Variants in BNC2 observed in about 807,000 individuals in gnomAD.
BNC2 encodes zinc finger protein basonuclin-2.
In BNC2, 20 loss-of-function variants were observed where a neutral mutation model predicts 76.3. The observed-to-expected ratio is 0.26, with a 90% CI of 0.18 to 0.38. The LOEUF (loss-of-function observed/expected upper bound fraction) is 0.38, where lower values mean the gene tolerates loss of function less well. Ranked by LOEUF, BNC2 falls within the 10% of genes least tolerant of loss-of-function variation. BNC2 has a pLI of 1.00. For synonymous variants in BNC2, 582 were observed against 514.8 expected (o/e 1.13, Z -1.77); for missense variants, 1,382 against 1,399.8 (o/e 0.99, Z 0.20).
At position 16,593,903 on chromosome 9, in the gene BNC2, T is replaced by C. The variant is rs143128926; in HGVS notation, c.331-10818A>G. 4.1e-3 allele frequency among the ~76,000 whole-genome samples: 631 copies of C among 152,290 alleles called. 9 individuals are homozygous for C. The South Asian group carries it at 0.047, about 11-fold the overall frequency. On this transcript the variant is annotated intron_variant, in intron 3 of 6. Transcript: ENST00000380672. ...AGAAGGAGGCAAAGCACTTCTCATA[T>C]CTGATGATGCTAAGTAATAATAATC...
chr9:16,853,798 A>T (rs1819187834), intron 1 of BNC2, among the ~76,000 whole-genome samples: 2 of 152,006 alleles, frequency 1.3e-5, no homozygotes, highest in South Asian at 2.1e-4. Flanking sequence ...AACCTGGGAG[A>T]CAGAGGTTGC....
At chr9:16,554,754 T>A (rs1013691250) in intron 4 of BNC2, among the ~76,000 whole-genome samples, 1 of 152,168 alleles carries the variant, frequency 6.6e-6, no homozygotes. Context: ...GATCTGCTCC[T>A]CCTCCATTTC....
intron 5 of BNC2, among the ~76,000 whole-genome samples, chr9:16,459,984 G>A (rs368430412): frequency 1.3e-5 from 2 of 152,290 alleles, no homozygotes; most frequent in Non-Finnish European, 2.9e-5. Flanking sequence ...AAGCGCACGT[G>A]CAAGTGAGTA....
At position 16,436,533 on chromosome 9, in the gene BNC2, A is replaced by G. The variant is rs1017712544; in HGVS notation, c.1661T>C (p.Leu554Pro). Residue 554 changes from leucine to proline, a missense_variant, in exon 6 of 7, where the codon CTC becomes CCC. Transcript: ENST00000380672. Reference sequence around the variant, plus strand: ...CCCAGAAAATACTAGCTGGCTAGGGAGAGGATTTTGCAAGACAGGGTCTAG... The same window carrying G: ...CCCAGAAAATACTAGCTGGCTAGGGGGAGGATTTTGCAAGACAGGGTCTAG... ...PPLDPVLQNP[L>P]PSQLVFSGLK... The G allele has an allele frequency of 1.2e-6, 2 of 1,613,974 alleles. No homozygotes were observed. The highest frequency in any genetic ancestry group is 1.3e-5 in the African/African-American group (1 of 74,892).
chr9:16,695,046 A>G (rs547384926), intron 3 of BNC2, among the ~76,000 whole-genome samples: 13 of 152,330 alleles, frequency 8.5e-5, no homozygotes, highest in African/African-American at 3.1e-4. Context: ...AAAGGGAGTT[A>G]TATTTTCCTT....
chr9:16,555,365 G>A (rs1818796036), intron 4 of BNC2, among the ~76,000 whole-genome samples: 2 of 151,754 alleles, frequency 1.3e-5, no homozygotes, highest in African/African-American at 2.4e-5. Flanking sequence ...AACTGTTAAG[G>A]GTACAGAAGA....
chr9:16,505,541 T>C (rs927950135), intron 5 of BNC2, among the ~76,000 whole-genome samples: 5 of 152,134 alleles, frequency 3.3e-5, no homozygotes, highest in East Asian at 1.9e-4. Context: ...AAACTCTGCC[T>C]GGAGGGAGAG....
chr9:16,755,421 C>G (rs539111778), intron 1 of BNC2, among the ~76,000 whole-genome samples: 32 of 152,254 alleles, frequency 2.1e-4, no homozygotes, highest in South Asian at 8.3e-4. Context: ...AAACTTTTAG[C>G]TACATTATCC....
intron 5 of BNC2, among the ~76,000 whole-genome samples, chr9:16,445,485 AT>A (rs1821213683): frequency 6.6e-6 from 1 of 152,170 alleles, no homozygotes; most frequent in African/African-American, 2.4e-5. Context: ...AATGGTTCAA[AT>A]TAGAACTTTT....
intron 2 of BNC2, among the ~76,000 whole-genome samples, chr9:16,730,730 T>C (rs1824481459): frequency 6.6e-6 from 1 of 152,186 alleles, no homozygotes; most frequent in Non-Finnish European, 1.5e-5. Context: ...TATAACATGT[T>C]ACTGCCACAA....
chr9:16,539,075 C>A (rs1230436025), intron 5 of BNC2, among the ~76,000 whole-genome samples: 2 of 151,852 alleles, frequency 1.3e-5, no homozygotes, highest in East Asian at 3.9e-4. Flanking sequence ...TATAATATAC[C>A]ACTTCCACTA....
intron 3 of BNC2, among the ~76,000 whole-genome samples, chr9:16,687,367 C>CA (rs1823009928): frequency 6.6e-6 from 1 of 151,876 alleles, no homozygotes; most frequent in African/African-American, 2.4e-5. Context: ...ACATAAGTAA[C>CA]AAAAAAGGGA....
intron 4 of BNC2, among the ~76,000 whole-genome samples, chr9:16,582,419 A>G (rs1300286584): frequency 3.3e-5 from 5 of 152,004 alleles, no homozygotes; most frequent in Non-Finnish European, 5.9e-5. Flanking sequence ...CACTCTACCT[A>G]CGTCGACCAC....
chr9:16,844,288 TA>T (rs1393468527), intron 1 of BNC2, among the ~76,000 whole-genome samples: 1 of 152,072 alleles, frequency 6.6e-6, no homozygotes, highest in East Asian at 1.9e-4. Flanking sequence ...GGCTTACGAC[TA>T]AATACTATTA....
intron 6 of BNC2, among the ~76,000 whole-genome samples, chr9:16,427,893 G>A (rs1477633563): frequency 6.6e-6 from 1 of 152,106 alleles, no homozygotes; most frequent in African/African-American, 2.4e-5. Flanking sequence ...GAAAGTCCTC[G>A]TGAACACCCG....
At chr9:16,445,764 G>A (rs1208140239) in intron 5 of BNC2, among the ~76,000 whole-genome samples, 2 of 152,154 alleles carry the variant, frequency 1.3e-5, no homozygotes, top group African/African-American at 4.8e-5. Flanking sequence ...GAACAAATAT[G>A]CTTTCCTCAT....
chr9:16,494,220 T>G (rs1822337585), intron 5 of BNC2, among the ~76,000 whole-genome samples: 2 of 151,990 alleles, frequency 1.3e-5, no homozygotes, highest in Admixed American at 1.3e-4. Context: ...TGACACAATC[T>G]CGGCTCACTG....
chr9:16,412,744 AGAGAGAGAGAGAGAGAGAGAGACT>A lies in BNC2; in HGVS notation c.*6221_*6244del, dbSNP rs1176174895. The A allele has an allele frequency of 2.5e-5, 3 of 121,296 alleles. No individual in the cohort carries two copies. The highest frequency in any genetic ancestry group is 1.1e-4 in the African/African-American group (3 of 26,286). 7.5% of individuals were successfully genotyped at this position (121,296 alleles called of 1,614,324 possible). Reference sequence around the variant, plus strand: ...GGGAGAGAGAGAGAGAGAGAGAGAGAGAGAGAGAGAGAGAGAGAGAGACTGACTGATTGTGGATGTGTGTGTACA... The same window carrying A: ...GGGAGAGAGAGAGAGAGAGAGAGAGAGACTGATTGTGGATGTGTGTGTACA... On this transcript the variant is annotated 3_prime_UTR_variant, in exon 7 of 7. Coordinates refer to ENST00000380672, the MANE Select transcript of BNC2 (RefSeq NM_017637.6).
At chr9:16,499,744 G>A (rs2131754594) in intron 5 of BNC2, among the ~76,000 whole-genome samples, 1 of 151,702 alleles carries the variant, frequency 6.6e-6, no homozygotes, top group South Asian at 2.1e-4. Flanking sequence ...TTGGCCAGGA[G>A]GGTCTTGAAC....
Sources: gnomAD v4.1 joint callset for allele counts (sites outside exome capture counted in the v4.1 genomes callset) on GRCh38, gnomAD v4.1.1 for gene constraint, MANE v1.5 for transcripts, NCBI Gene and HGNC (gene_info 2026-07-23, HGNC 2026-07-21) for gene names.